The following SVBP variants were observed in gnomAD, a reference collection of about 807,000 sequenced individuals.
SVBP encodes the protein small vasohibin-binding protein.
SVBP carries 9 observed loss-of-function variants against 9.2 expected under a neutral mutation model. The ratio of observed to expected loss-of-function variants is 0.98; its 90% CI spans 0.59 to 1.71. The LOEUF is 1.71. Among genes scored for constraint, SVBP ranks in the 40% most tolerant of loss-of-function variants. SVBP has a pLI of 0.00. For synonymous variants in SVBP, 27 were observed against 23.9 expected (o/e 1.13, Z -0.37); for missense variants, 63 against 73.2 (o/e 0.86, Z 0.51).
intron 2 of SVBP, among the ~76,000 whole-genome samples, chr1:42,812,642 T>C (rs1220272814): frequency 6.7e-6 from 1 of 149,442 alleles, no homozygotes; most frequent in Non-Finnish European, 1.5e-5. Context: ...ATTTATTTGA[T>C]TAGTTTATCT....
Position 42,816,476 on chromosome 1 carries a change from T to C in SVBP, c.69A>G (p.Lys23=), listed in dbSNP as rs766974181. 1 of 1,614,154 alleles carries C rather than the reference T, an allele frequency of 6.2e-7. No individual in the cohort carries two copies. The highest frequency in any genetic ancestry group is 8.5e-7 in the Non-Finnish European group (1 of 1,180,004). The change falls in exon 2 of 3, where the codon AAA becomes AAG. Residue 23 remains lysine (K), a synonymous_variant. Coordinates refer to ENST00000372521, the MANE Select transcript of SVBP (RefSeq NM_199342.4). The part of the protein sequence containing the change: ...KESVSRVEKA[K]QKSAQQELKQ... The stretch of plus-strand genomic sequence containing the variant: ...TCAGCTCCTGCTGGGCTGATTTCTG[T>C]TTGGCCTTCTCAACTCTGCTGACAG...
Position 42,817,384 on chromosome 1 carries a change from C to T in SVBP, c.-231G>A. ...AGGAGGCTTCCGCCCGCAGGAGCGG[C>T]CGCGCGTGCGCAGAGAGGATGGCTG... On this transcript the variant is annotated 5_prime_UTR_variant, in exon 1 of 3. Transcript: ENST00000372521. The T allele has an allele frequency of 2.0e-6, 1 of 488,918 alleles. No homozygotes were observed. The highest frequency in any genetic ancestry group is 3.7e-5 in the South Asian group (1 of 26,750). The allele number at this position is 488,918 out of a possible 1,614,324, so 30.3% of individuals were successfully genotyped here.
In SVBP at chr1:42,807,478, A is replaced by T. The variant is rs750713737; in HGVS notation, c.137T>A (p.Met46Lys). Residue 46 changes from methionine to lysine, a missense_variant, in exon 3 of 3, where the codon ATG (methionine) becomes AAG (lysine). Coordinates refer to ENST00000372521, the MANE Select transcript of SVBP (RefSeq NM_199342.4). ...AAACTGCTGCTGCTCCAGTTCTGTC[A>T]TGACTCTGTTGAGGGCATAGATCTG... ...RAEIYALNRV[M>K]TELEQQQFDE... The T allele has an allele frequency of 6.2e-7, 1 of 1,613,914 alleles. No homozygotes were observed. Among genetic ancestry groups the T allele is most frequent in the South Asian group, 1.1e-5 (1 of 91,066 alleles).
At chr1:42,812,805 G>A (rs980609981) in intron 2 of SVBP, among the ~76,000 whole-genome samples, 1 of 152,132 alleles carries the variant, frequency 6.6e-6, no homozygotes, top group African/African-American at 2.4e-5. Context: ...CCATGTACAA[G>A]TTTGTATTTA....
At chr1:42,808,578 ATAGTATATATG>A (rs1654016958) in intron 2 of SVBP, among the ~76,000 whole-genome samples, 1 of 146,902 alleles carries the variant, frequency 6.8e-6, no homozygotes, top group Non-Finnish European at 1.5e-5. Flanking sequence ...TATATACTAT[ATAGTATATATG>A]TAGTATATAT....
intron 2 of SVBP, among the ~76,000 whole-genome samples, chr1:42,810,596 T>C (rs1654063401): frequency 6.6e-6 from 1 of 151,998 alleles, no homozygotes. Context: ...GGCAAGATGG[T>C]AGGAGAAAGA....
chr1:42,817,108 C>A, intron 1 of SVBP, 82 bp downstream of exon 1: 1 of 1,081,440 alleles, frequency 9.2e-7, no homozygotes, highest in African/African-American at 1.7e-5. Context: ...AGGGGACGGC[C>A]CCCGCCTCCT....
At chr1:42,815,898 G>A (rs1049021256) in intron 2 of SVBP, among the ~76,000 whole-genome samples, 1 of 152,186 alleles carries the variant, frequency 6.6e-6, no homozygotes, top group African/African-American at 2.4e-5. Flanking sequence ...AAAGAGACCA[G>A]CAAGATTTTC....
rs1231556380 is a variant in SVBP, at chr1:42,807,223, C to CAG, written c.*189_*190dup. ...CTTAGAAGAAGAAAACAAGTCTCTT[C>CAG]AGCAAGCATGTGGCCAATTCAGATG... On this transcript the variant is annotated 3_prime_UTR_variant, in exon 3 of 3. Transcript: ENST00000372521. 2.6e-6 allele frequency: 1 copy of CAG among 377,400 alleles called. No individual in the cohort carries two copies. The allele number at this position is 377,400 out of a possible 1,614,324, so 23.4% of individuals were successfully genotyped here. A position where few individuals can be genotyped will look rare whatever the true frequency, so the allele number is the denominator to read the frequency against.
chr1:42,807,453 A>T lies in SVBP; in HGVS notation c.162T>A (p.Phe54Leu). The change falls in exon 3 of 3, where the codon TTT (phenylalanine) becomes TTA (leucine). Residue 54 changes from phenylalanine (F) to leucine (L), a missense_variant. Coordinates refer to ENST00000372521, the MANE Select transcript of SVBP (RefSeq NM_199342.4). Reference protein sequence around the residue: ...RVMTELEQQQFDEFCKQMQPP... With the variant: ...RVMTELEQQQLDEFCKQMQPP... ...GCTGCATCTGTTTACAGAACTCATCAAACTGCTGCTGCTCCAGTTCTGTCA... is the reference window on the plus strand; with the variant it reads ...GCTGCATCTGTTTACAGAACTCATCTAACTGCTGCTGCTCCAGTTCTGTCA... The T allele has an allele frequency of 6.2e-7, 1 of 1,614,094 alleles. No individual in the cohort carries two copies. The highest frequency in any genetic ancestry group is 8.5e-7 in the Non-Finnish European group (1 of 1,179,964).
chr1:42,809,842 T>C (rs1025640235), intron 2 of SVBP, among the ~76,000 whole-genome samples: 1 of 152,024 alleles, frequency 6.6e-6, no homozygotes, highest in Admixed American at 6.6e-5. Context: ...CACGGTAACA[T>C]ATATAAAAGG....
intron 1 of SVBP, 25 bp downstream of exon 1, chr1:42,817,165 G>A (rs546105694): frequency 2.5e-6 from 3 of 1,205,544 alleles, no homozygotes; most frequent in South Asian, 2.8e-5. Context: ...TGGAGCCGCC[G>A]ACCAAGAGGC....
Position 42,817,267 on chromosome 1 carries a change from TC to T in SVBP, c.-115del. On this transcript the variant is annotated 5_prime_UTR_variant, in exon 1 of 3. Coordinates refer to ENST00000372521, the MANE Select transcript of SVBP (RefSeq NM_199342.4). Reference sequence around the variant, plus strand: ...GCCTCCGGGAGGGTAATCCTCGCCTTCCCCCGACCACTGGACCCAGCGCTGC... The same window carrying T: ...GCCTCCGGGAGGGTAATCCTCGCCTTCCCCGACCACTGGACCCAGCGCTGC... 2 of 1,241,894 alleles carry T rather than the reference TC, an allele frequency of 1.6e-6. No homozygotes were observed. The highest frequency in any genetic ancestry group is 1.3e-5 in the South Asian group (1 of 76,260). 76.9% of individuals were successfully genotyped at this position (1,241,894 alleles called of 1,614,324 possible).
chr1:42,814,341 G>A (rs2124252169), intron 2 of SVBP, among the ~76,000 whole-genome samples: 1 of 151,878 alleles, frequency 6.6e-6, no homozygotes, highest in South Asian at 2.1e-4. Flanking sequence ...CTCCCAAAGT[G>A]CTGGGATTAC....
rs142728295 is a variant in SVBP, at chr1:42,816,584, G to T, written c.-36-4C>A. The T allele has an allele frequency of 1.6e-4, 221 of 1,397,332 alleles. No homozygotes were observed. In the African/African-American group the frequency reaches 2.8e-3, roughly 18 times the overall value. 86.6% of individuals were successfully genotyped at this position (1,397,332 alleles called of 1,614,324 possible). ...ATATTTCTTAGGAGGCTCTGATCTG[G>T]GTGGTACAGAAAGAGGCAGATCTTC... On this transcript the variant is annotated splice_polypyrimidine_tract_variant and splice_region_variant and intron_variant, in intron 1 of 2. Coordinates refer to ENST00000372521, the MANE Select transcript of SVBP (RefSeq NM_199342.4).
chr1:42,812,699 G>A (rs1339916872), intron 2 of SVBP, among the ~76,000 whole-genome samples: 2 of 152,064 alleles, frequency 1.3e-5, no homozygotes, highest in Non-Finnish European at 1.5e-5. Context: ...TTATTTTCTT[G>A]CTCTGAAAAA....
chr1:42,810,125 TACAC>T (rs60221264), intron 2 of SVBP, among the ~76,000 whole-genome samples: 2,431 of 140,986 alleles, frequency 0.017, 46 homozygotes, highest in African/African-American at 0.056. Context: ...CATACATACA[TACAC>T]ACACACACAC....
chr1:42,810,117 T>TACACAC (rs1260764884), intron 2 of SVBP, among the ~76,000 whole-genome samples: 1 of 112,644 alleles, frequency 8.9e-6, no homozygotes, highest in African/African-American at 4.0e-5. Context: ...CACACACACA[T>TACACAC]ACATACATAC....
In SVBP at chr1:42,814,745, T is replaced by C. The variant is rs1654162302; in HGVS notation, c.114+1686A>G. On this transcript the variant is annotated intron_variant, in intron 2 of 2. Transcript: ENST00000372521. ...AGGTGCTGGAGAGGATGTGGAGAAATAGGAACACTTTTACACTGTTGGTGG... is the reference window on the plus strand; with the variant it reads ...AGGTGCTGGAGAGGATGTGGAGAAACAGGAACACTTTTACACTGTTGGTGG... Among the ~76,000 whole-genome samples the C allele has an allele frequency of 2.6e-5, 4 of 152,078 alleles. No homozygotes were observed. The South Asian group carries it at 8.3e-4, about 32-fold the overall frequency.
Sources: allele counts gnomAD v4.1 joint callset (sites outside exome capture counted in the v4.1 genomes callset), GRCh38; gene constraint gnomAD v4.1.1; transcripts MANE v1.5; gene names NCBI Gene and HGNC (gene_info 2026-07-23, HGNC 2026-07-21).